RYR2: variants seen among roughly 807,000 people sequenced by gnomAD.
The protein encoded by RYR2 is ryanodine receptor 2, also known as cardiac muscle ryanodine receptor-calcium release channel.
RYR2 carries 227 observed loss-of-function variants against 601.1 expected under a neutral mutation model. The ratio of observed to expected loss-of-function variants is 0.38; its 90% CI spans 0.34 to 0.42. The LOEUF is 0.42. Among genes scored for constraint, RYR2 ranks in the 10% least tolerant of loss-of-function variants. The pLI is 1.00. For synonymous variants in RYR2, 2,223 were observed against 2,175.1 expected (o/e 1.02, Z -0.61); for missense variants, 4,646 against 6,156.5 (o/e 0.75, Z 8.21).
chr1:237,599,326 T>C (rs1460520587), intron 34 of RYR2, among the ~76,000 whole-genome samples: 1 of 152,186 alleles, frequency 6.6e-6, no homozygotes, highest in African/African-American at 2.4e-5. Context: ...AAAGAAGTCA[T>C]CAAATTGTCT....
At chr1:237,486,445 C>T (rs1662693530) in intron 17 of RYR2, among the ~76,000 whole-genome samples, 1 of 152,114 alleles carries the variant, frequency 6.6e-6, no homozygotes, top group Non-Finnish European at 1.5e-5. Context: ...CTCTGTGTAG[C>T]AACTGGTAGC....
intron 1 of RYR2, among the ~76,000 whole-genome samples, chr1:237,095,432 G>C (rs1458225503): frequency 6.6e-6 from 1 of 152,178 alleles, no homozygotes; most frequent in East Asian, 1.9e-4. Flanking sequence ...TTTACAAAAA[G>C]TGTAACATTT....
chr1:237,050,917 A>C (rs2148139203), intron 1 of RYR2, among the ~76,000 whole-genome samples: 1 of 152,348 alleles, frequency 6.6e-6, no homozygotes, highest in Middle Eastern at 3.4e-3. Context: ...GCTAGAGTTT[A>C]TATTTATTTC....
intron 1 of RYR2, among the ~76,000 whole-genome samples, chr1:237,127,734 C>G (rs1222767910): frequency 6.6e-6 from 1 of 151,250 alleles, no homozygotes; most frequent in Non-Finnish European, 1.5e-5. Flanking sequence ...AGGTGCTCCT[C>G]ACATCCCAGA....
intron 48 of RYR2, among the ~76,000 whole-genome samples, chr1:237,647,997 G>A (rs1000451784): frequency 4.6e-5 from 7 of 152,192 alleles, no homozygotes; most frequent in African/African-American, 7.2e-5. Flanking sequence ...TCATCATTTC[G>A]TTATTGTTCT....
chr1:237,225,477 T>C (rs1295771760), intron 1 of RYR2, among the ~76,000 whole-genome samples: 1 of 152,146 alleles, frequency 6.6e-6, no homozygotes, highest in Non-Finnish European at 1.5e-5. Flanking sequence ...CCTTCAGATC[T>C]TGTGAGACTT....
At chr1:237,263,982 T>C (rs1406063521) in intron 1 of RYR2, among the ~76,000 whole-genome samples, 3 of 152,034 alleles carry the variant, frequency 2.0e-5, no homozygotes, top group East Asian at 3.9e-4. Flanking sequence ...CTATTTTAGA[T>C]AGGGCGACCG....
At chr1:237,757,809 T>C (rs1357587605) in intron 82 of RYR2, 33 bp downstream of exon 82, 1 of 1,335,448 alleles carries the variant, frequency 7.5e-7, no homozygotes, top group Non-Finnish European at 1.1e-6. Flanking sequence ...ATAATGTACT[T>C]TTCAGACAAA....
At chr1:237,702,433 A>G (rs1196753559) in intron 66 of RYR2, among the ~76,000 whole-genome samples, 1 of 152,114 alleles carries the variant, frequency 6.6e-6, no homozygotes, top group Non-Finnish European at 1.5e-5. Flanking sequence ...CTCAAGTTTC[A>G]GGATGGAGTG....
At chr1:237,093,870 C>A (rs1163306320) in intron 1 of RYR2, among the ~76,000 whole-genome samples, 5 of 152,212 alleles carry the variant, frequency 3.3e-5, no homozygotes, top group African/African-American at 1.2e-4. Context: ...AATTAGGCCA[C>A]CTTGAACAGC....
intron 1 of RYR2, among the ~76,000 whole-genome samples, chr1:237,159,295 AAAT>A (rs756404279): frequency 2.6e-5 from 4 of 151,926 alleles, no homozygotes; most frequent in Non-Finnish European, 4.4e-5. Flanking sequence ...CCATCTCAAA[AAAT>A]AATAATAATA....
chr1:237,160,947 G>T (rs1287559350), intron 1 of RYR2, among the ~76,000 whole-genome samples: 1 of 152,084 alleles, frequency 6.6e-6, no homozygotes, highest in African/African-American at 2.4e-5. Context: ...TTAAACCTAT[G>T]ATGAGACTGT....
chr1:237,191,418 G>GTT (rs113524775), intron 1 of RYR2, among the ~76,000 whole-genome samples: 87 of 145,462 alleles, frequency 6.0e-4, no homozygotes, highest in East Asian at 1.4e-3. Context: ...AATTTTATGG[G>GTT]TTTTTTTTTT....
intron 40 of RYR2, 122 bp from the exon 41 acceptor site, chr1:237,627,685 C>T (rs758852099): frequency 2.1e-6 from 2 of 967,842 alleles, no homozygotes; most frequent in Non-Finnish European, 3.0e-6. Context: ...ATATCTAGAG[C>T]CTTTTCAAGC....
chr1:237,625,170 A>G (rs1679516774), intron 39 of RYR2, among the ~76,000 whole-genome samples: 1 of 152,174 alleles, frequency 6.6e-6, no homozygotes, highest in Middle Eastern at 3.4e-3. Flanking sequence ...TTACTGCTTC[A>G]GATATAAAGC....
chr1:237,144,071 A>T (rs757004712), intron 1 of RYR2, among the ~76,000 whole-genome samples: 6 of 151,886 alleles, frequency 4.0e-5, no homozygotes, highest in Non-Finnish European at 1.5e-5. Flanking sequence ...GGAAGTTGCA[A>T]TGAGCTGAGA....
intron 2 of RYR2, among the ~76,000 whole-genome samples, chr1:237,300,632 C>G (rs1386003758): frequency 6.6e-6 from 1 of 152,156 alleles, no homozygotes; most frequent in African/African-American, 2.4e-5. Context: ...AAAATTAGAT[C>G]TTCAGTGCTG....
chr1:237,640,398 G>A (rs1681349190), intron 46 of RYR2, among the ~76,000 whole-genome samples: 1 of 152,188 alleles, frequency 6.6e-6, no homozygotes, highest in East Asian at 1.9e-4. Flanking sequence ...GGGGTTGCAG[G>A]AGGTTGAGTA....
chr1:237,631,675 C>T lies in RYR2; in HGVS notation c.6555+134C>T, dbSNP rs543271225. On this transcript the variant is annotated intron_variant, in intron 42 of 104. Coordinates refer to ENST00000366574, the MANE Select transcript of RYR2 (RefSeq NM_001035.3). ...ACAGAGGCTCACTCTGTCGCCCAGG[C>T]TGGAGTGCAGTGCACGATCTCGGCT... The T allele has an allele frequency of 2.5e-5, 11 of 441,516 alleles. No individual in the cohort carries two copies. The East Asian group carries it at 5.0e-4, about 20-fold the overall frequency. The allele number at this position is 441,516 out of a possible 1,614,324, so 27.3% of individuals were successfully genotyped here. A position where few individuals can be genotyped will look rare whatever the true frequency, so the allele number is the denominator to read the frequency against.
Sources: allele counts gnomAD v4.1 joint callset (sites outside exome capture counted in the v4.1 genomes callset), GRCh38; gene constraint gnomAD v4.1.1; transcripts MANE v1.5; gene names NCBI Gene and HGNC (gene_info 2026-07-23, HGNC 2026-07-21).